The following JARID2 variants were observed in gnomAD, a reference collection of about 807,000 sequenced individuals.
JARID2 encodes protein Jumonji.
In JARID2, 21 loss-of-function variants were observed where a neutral mutation model predicts 125.6. That is an observed-to-expected ratio of 0.17 (90% CI 0.12 to 0.24). JARID2 has a LOEUF of 0.24. Ranked by LOEUF, JARID2 falls within the 10% of genes least tolerant of loss-of-function variation. The pLI is 1.00. For missense variants in JARID2, 1,303 were observed against 1,639.6 expected (o/e 0.79, Z 3.55); for synonymous variants, 736 against 661.6 (o/e 1.11, Z -1.73).
chr6:15,398,451 T>TA (rs1765297599), intron 2 of JARID2, among the ~76,000 whole-genome samples: 1 of 152,222 alleles, frequency 6.6e-6, no homozygotes. Flanking sequence ...TTCTTAGTGT[T>TA]ATTCTTGGTC....
intron 1 of JARID2, among the ~76,000 whole-genome samples, chr6:15,291,394 G>C (rs887041438): frequency 6.6e-6 from 1 of 152,188 alleles, no homozygotes; most frequent in African/African-American, 2.4e-5. Context: ...ACATGGTATA[G>C]CTTGCTATTA....
At chr6:15,330,670 C>T (rs1762676950) in intron 1 of JARID2, among the ~76,000 whole-genome samples, 1 of 152,154 alleles carries the variant, frequency 6.6e-6, no homozygotes, top group Admixed American at 6.5e-5. Context: ...ACATTTTGAA[C>T]ACTTCACAGA....
At chr6:15,297,185 C>G (rs1239634267) in intron 1 of JARID2, among the ~76,000 whole-genome samples, 1 of 152,158 alleles carries the variant, frequency 6.6e-6, no homozygotes, top group Non-Finnish European at 1.5e-5. Flanking sequence ...GAGTCTCACT[C>G]TGTTGCCCAG....
chr6:15,353,687 A>G (rs938013201), intron 1 of JARID2, among the ~76,000 whole-genome samples: 3 of 151,880 alleles, frequency 2.0e-5, no homozygotes, highest in African/African-American at 7.3e-5. Context: ...ACAATTGTAA[A>G]CCCCTTCAAC....
chr6:15,429,345 A>G (rs760704335), intron 3 of JARID2, among the ~76,000 whole-genome samples: 6 of 151,880 alleles, frequency 4.0e-5, no homozygotes, highest in Non-Finnish European at 8.8e-5. Context: ...GGCTAACTAC[A>G]ACCTTGGATT....
chr6:15,369,094 G>A (rs1764074802), intron 1 of JARID2, among the ~76,000 whole-genome samples: 1 of 152,160 alleles, frequency 6.6e-6, no homozygotes. Flanking sequence ...CTGATAAAAG[G>A]CATGTGATGT....
chr6:15,446,656 A>ACT (rs1561868130), intron 3 of JARID2, among the ~76,000 whole-genome samples: 1 of 151,934 alleles, frequency 6.6e-6, no homozygotes, highest in Non-Finnish European at 1.5e-5. Flanking sequence ...ACTCCCATAT[A>ACT]CTCTATGGGA....
intron 12 of JARID2, chr6:15,508,829 A>G (rs1561914760): frequency 3.7e-6 from 2 of 544,066 alleles, no homozygotes; most frequent in East Asian, 6.9e-5. Context: ...GTGGATTTCC[A>G]AGAGTTATTT....
intron 6 of JARID2, among the ~76,000 whole-genome samples, chr6:15,492,580 A>G (rs1301387745): frequency 6.6e-6 from 1 of 152,132 alleles, no homozygotes; most frequent in East Asian, 1.9e-4. Context: ...CTTTTGTTAG[A>G]TTGGTGGGTC....
At chr6:15,480,116 T>G (rs1769539459) in intron 5 of JARID2, among the ~76,000 whole-genome samples, 1 of 152,242 alleles carries the variant, frequency 6.6e-6, no homozygotes, top group Admixed American at 6.5e-5. Context: ...GCGGTGGATC[T>G]CTTTTCCCTT....
At chr6:15,266,086 T>G (rs1022970194) in intron 1 of JARID2, among the ~76,000 whole-genome samples, 2 of 152,158 alleles carry the variant, frequency 1.3e-5, no homozygotes, top group Non-Finnish European at 2.9e-5. Context: ...ACTGATCAGC[T>G]TTCTCTCAAA....
In JARID2 at chr6:15,404,519, GCACACACACACACACACACACACA is replaced by G. The variant is rs3138770; in HGVS notation, c.182-5674_182-5651del. On this transcript the variant is annotated intron_variant, in intron 2 of 17. Transcript: ENST00000341776. ...TATAATTTTTCTATCATCTTAAAGTGCACACACACACACACACACACACACACACACACACACACACACACACAC... is the reference window on the plus strand; with the variant it reads ...TATAATTTTTCTATCATCTTAAAGTGCACACACACACACACACACACACAC... Among the ~76,000 whole-genome samples the G allele has an allele frequency of 2.0e-3, 283 of 138,356 alleles. 3 individuals carry two copies. Among genetic ancestry groups the G allele is most frequent in the African/African-American group, 6.0e-3 (218 of 36,036 alleles). 90.8% of individuals were successfully genotyped at this position (138,356 alleles called of 152,430 possible).
At chr6:15,514,155 C>T (rs1771431602) in intron 16 of JARID2, among the ~76,000 whole-genome samples, 1 of 118,438 alleles carries the variant, frequency 8.4e-6, no homozygotes, top group Admixed American at 9.0e-5. Flanking sequence ...AAAGCCCTTC[C>T]ATGGCGACTG....
chr6:15,466,794 A>G (rs1186567219), intron 4 of JARID2, among the ~76,000 whole-genome samples: 1 of 152,154 alleles, frequency 6.6e-6, no homozygotes, highest in Non-Finnish European at 1.5e-5. Context: ...GGAAATGTGG[A>G]TAGATATTTT....
At chr6:15,467,247 G>A (rs1189762464) in intron 4 of JARID2, among the ~76,000 whole-genome samples, 1 of 152,094 alleles carries the variant, frequency 6.6e-6, no homozygotes, top group Non-Finnish European at 1.5e-5. Flanking sequence ...GGACAGAAAT[G>A]GTTTTAACTG....
At chr6:15,414,026 A>G (rs187556966) in intron 3 of JARID2, among the ~76,000 whole-genome samples, 4 of 152,298 alleles carry the variant, frequency 2.6e-5, no homozygotes, top group Admixed American at 6.5e-5. Flanking sequence ...CTAGTTAGCT[A>G]TACTTGTAGA....
chr6:15,405,123 G>A (rs187743753), intron 2 of JARID2, among the ~76,000 whole-genome samples: 41 of 152,230 alleles, frequency 2.7e-4, no homozygotes, highest in Admixed American at 2.0e-4. Context: ...TTTTCCCAAC[G>A]CCCATCATAT....
intron 13 of JARID2, among the ~76,000 whole-genome samples, chr6:15,511,948 C>T (rs1771299617): frequency 6.6e-6 from 1 of 152,220 alleles, no homozygotes. Flanking sequence ...GTCCTGTTTC[C>T]AGCCCTGGCA....
At chr6:15,386,618 G>T (rs1027248391) in intron 2 of JARID2, among the ~76,000 whole-genome samples, 2 of 152,326 alleles carry the variant, frequency 1.3e-5, no homozygotes, top group African/African-American at 4.8e-5. Flanking sequence ...CACTTCGCCT[G>T]GCCGGTTGAG....
Sources: allele counts gnomAD v4.1 joint callset (sites outside exome capture counted in the v4.1 genomes callset), GRCh38; gene constraint gnomAD v4.1.1; transcripts MANE v1.5; gene names NCBI Gene and HGNC (gene_info 2026-07-23, HGNC 2026-07-21).